The following GHR variants were observed in gnomAD, a reference collection of about 807,000 sequenced individuals.
The protein encoded by GHR is GH receptor.
A neutral mutation model predicts 67.1 loss-of-function variants in GHR; 35 were observed. The observed-to-expected ratio is 0.52, with a 90% CI of 0.40 to 0.69. The LOEUF is 0.69. Among genes scored for constraint, GHR ranks in the 30% least tolerant of loss-of-function variants. The pLI, the probability that GHR is intolerant of heterozygous loss-of-function variation, is 0.00. For synonymous variants in GHR, 272 were observed against 269.1 expected (o/e 1.01, Z -0.10); for missense variants, 792 against 764.6 (o/e 1.04, Z -0.42).
intron 1 of GHR, among the ~76,000 whole-genome samples, chr5:42,472,133 T>C (rs1474375073): frequency 6.6e-6 from 1 of 152,198 alleles, no homozygotes; most frequent in African/African-American, 2.4e-5. Context: ...GTTGACAAAC[T>C]ATGCAGCAGG....
chr5:42,716,846 G>T (rs1187190160), intron 8 of GHR, among the ~76,000 whole-genome samples: 2 of 152,138 alleles, frequency 1.3e-5, no homozygotes, highest in East Asian at 3.8e-4. Context: ...GAATGGACTG[G>T]ACTGACCATT....
chr5:42,628,968 A>G lies in GHR; in HGVS notation c.71-70A>G. ...TTGGGAAGCTGAGGATTTTGTTTTT[A>G]GTTTACACAGGGTCATATCAGATTG... On this transcript the variant is annotated intron_variant, in intron 2 of 9. Coordinates refer to ENST00000230882, the MANE Select transcript of GHR (RefSeq NM_000163.5). 2 of 908,208 alleles carry G rather than the reference A, an allele frequency of 2.2e-6. 1 individual carries two copies. Among genetic ancestry groups the G allele is most frequent in the Admixed American group, 3.7e-5 (2 of 53,918 alleles). 56.3% of individuals were successfully genotyped at this position (908,208 alleles called of 1,614,324 possible). A position where few individuals can be genotyped will look rare whatever the true frequency, so the allele number is the denominator to read the frequency against.
At chr5:42,501,272 A>G (rs1746529985) in intron 1 of GHR, among the ~76,000 whole-genome samples, 1 of 152,194 alleles carries the variant, frequency 6.6e-6, no homozygotes, top group Admixed American at 6.5e-5. Flanking sequence ...GATTATAAAG[A>G]AGTGTCAAGC....
At chr5:42,631,150 G>A (rs536866712) in intron 3 of GHR, among the ~76,000 whole-genome samples, 5 of 152,148 alleles carry the variant, frequency 3.3e-5, no homozygotes, top group African/African-American at 7.2e-5. Flanking sequence ...TCTAAGAAGC[G>A]TAAACATTGT....
rs57383090 is a variant in GHR, at chr5:42,641,182, G to GCTGTATACAT, written c.136+12079_136+12080insCTGTATACAT. Among the ~76,000 whole-genome samples, 405 of 151,890 alleles carry GCTGTATACAT rather than the reference G, an allele frequency of 2.7e-3. 2 individuals carry two copies. Among genetic ancestry groups the GCTGTATACAT allele is most frequent in the African/African-American group, 9.5e-3 (392 of 41,374 alleles). Reference sequence around the variant, plus strand: ...TACAAAAAAGATGAGGCTGTACACAGAGCTAAAAGTGTACACCTTTGAAAA... The same window carrying GCTGTATACAT: ...TACAAAAAAGATGAGGCTGTACACAGCTGTATACATAGCTAAAAGTGTACACCTTTGAAAA... On this transcript the variant is annotated intron_variant, in intron 3 of 9. Transcript: ENST00000230882.
chr5:42,617,947 G>A (rs1425736889), intron 2 of GHR, among the ~76,000 whole-genome samples: 2 of 151,972 alleles, frequency 1.3e-5, no homozygotes, highest in Non-Finnish European at 2.9e-5. Flanking sequence ...TTTAAACAAT[G>A]TTGTGTGATT....
chr5:42,508,212 T>C (rs1746858652), intron 1 of GHR, among the ~76,000 whole-genome samples: 1 of 152,156 alleles, frequency 6.6e-6, no homozygotes, highest in Admixed American at 6.5e-5. Context: ...CTGAGGTACA[T>C]ATGTGGTTAA....
At chr5:42,558,592 A>AT (rs1749436446) in intron 1 of GHR, among the ~76,000 whole-genome samples, 1 of 152,224 alleles carries the variant, frequency 6.6e-6, no homozygotes, top group African/African-American at 2.4e-5. Flanking sequence ...ATATGTCTAG[A>AT]TACATAAATA....
intron 1 of GHR, among the ~76,000 whole-genome samples, chr5:42,537,563 T>A (rs1748314220): frequency 1.3e-5 from 2 of 152,196 alleles, no homozygotes; most frequent in South Asian, 4.1e-4. Flanking sequence ...TTGAGGCTTA[T>A]TTTATGGCCT....
intron 1 of GHR, among the ~76,000 whole-genome samples, chr5:42,473,175 T>A (rs1166771621): frequency 3.3e-5 from 5 of 151,670 alleles, no homozygotes; most frequent in African/African-American, 1.2e-4. Flanking sequence ...ATGGCAGTGA[T>A]CAGTAGAATA....
rs202159218 is a variant in GHR at position 42,718,971 on chromosome 5, C to T, written c.1464C>T (p.Ala488=). The change falls in exon 10 of 10, where the codon GCC becomes GCT. Residue 488 remains alanine (A), a synonymous_variant. Coordinates refer to ENST00000230882, the MANE Select transcript of GHR (RefSeq NM_000163.5). The part of the protein sequence containing the change: ...PSSLSNIDFY[A]QVSDITPAGS... Reference sequence around the variant, plus strand: ...CACTGTCAAACATCGACTTTTATGCCCAGGTGAGCGACATTACACCAGCAG... The same window carrying T: ...CACTGTCAAACATCGACTTTTATGCTCAGGTGAGCGACATTACACCAGCAG... 7.6e-5 allele frequency: 122 copies of T among 1,612,712 alleles called. No individual in the cohort carries two copies. The Admixed American group carries it at 9.8e-4, about 13-fold the overall frequency.
Position 42,670,799 on chromosome 5 carries a change from A to C in GHR, c.137-18091A>C, listed in dbSNP as rs188696156. Among the ~76,000 whole-genome samples the C allele has an allele frequency of 1.3e-3, 198 of 151,554 alleles. 1 individual carries two copies. The highest frequency in any genetic ancestry group is 4.7e-3 in the African/African-American group (195 of 41,364). ...ATGTATACATATGTAACTAACCTGC[A>C]CAAGGTGCACATGTACCCTAAAACT... is the stretch of plus-strand genomic sequence containing the variant. On this transcript the variant is annotated intron_variant, in intron 3 of 9. Coordinates refer to ENST00000230882, the MANE Select transcript of GHR (RefSeq NM_000163.5).
At chr5:42,445,592 C>T (rs1396262332) in intron 1 of GHR, among the ~76,000 whole-genome samples, 1 of 152,158 alleles carries the variant, frequency 6.6e-6, no homozygotes, top group Non-Finnish European at 1.5e-5. Context: ...CTGTGGCTTC[C>T]AATCTCTGGT....
chr5:42,532,001 TAATC>T, intron 1 of GHR, among the ~76,000 whole-genome samples: 1 of 152,122 alleles, frequency 6.6e-6, no homozygotes, highest in Middle Eastern at 3.4e-3. Context: ...TTTTTGGCAT[TAATC>T]AGACTGCTGA....
chr5:42,679,502 G>A (rs1756750140), intron 3 of GHR, among the ~76,000 whole-genome samples: 1 of 151,940 alleles, frequency 6.6e-6, no homozygotes, highest in Non-Finnish European at 1.5e-5. Context: ...GCACGCACCT[G>A]TAGTCCCAGC....
At chr5:42,572,916 C>T (rs772467339) in intron 2 of GHR, among the ~76,000 whole-genome samples, 2 of 152,084 alleles carry the variant, frequency 1.3e-5, no homozygotes, top group African/African-American at 2.4e-5. Context: ...GTGTTTCCCT[C>T]TTCTAAATGA....
chr5:42,537,836 T>C (rs922393382), intron 1 of GHR, among the ~76,000 whole-genome samples: 17 of 152,152 alleles, frequency 1.1e-4, no homozygotes, highest in Non-Finnish European at 1.9e-4. Flanking sequence ...ATTTGGAACC[T>C]CCAGTGTTAG....
intron 1 of GHR, among the ~76,000 whole-genome samples, chr5:42,553,583 A>T (rs1156423814): frequency 6.6e-6 from 1 of 152,206 alleles, no homozygotes; most frequent in Non-Finnish European, 1.5e-5. Flanking sequence ...AGGTGATTAC[A>T]TCGGTTTGTG....
At chr5:42,686,354 A>T (rs75163335) in intron 3 of GHR, among the ~76,000 whole-genome samples, 1 of 151,472 alleles carries the variant, frequency 6.6e-6, no homozygotes, top group South Asian at 2.1e-4. Flanking sequence ...GCCTTGTAGT[A>T]TGAAGTCAGA....
Sources: gnomAD v4.1 joint callset for allele counts (sites outside exome capture counted in the v4.1 genomes callset) on GRCh38, gnomAD v4.1.1 for gene constraint, MANE v1.5 for transcripts, NCBI Gene and HGNC (gene_info 2026-07-23, HGNC 2026-07-21) for gene names.